SRGAP1: variants seen among roughly 807,000 people sequenced by gnomAD.
The protein encoded by SRGAP1 is SLIT-ROBO Rho GTPase-activating protein 1.
Under a neutral mutation model 121.9 loss-of-function variants are expected in SRGAP1, and 43 were observed. The ratio of observed to expected loss-of-function variants is 0.35; its 90% CI spans 0.28 to 0.46. SRGAP1 has a LOEUF of 0.46. Among genes scored for constraint, SRGAP1 ranks in the 20% least tolerant of loss-of-function variants. The pLI, the probability that SRGAP1 is intolerant of heterozygous loss-of-function variation, is 1.00. For missense variants in SRGAP1, 1,102 were observed against 1,350.9 expected, an observed-to-expected ratio of 0.82 and a Z score of 2.89; for synonymous variants, 447 against 485.4, an observed-to-expected ratio of 0.92 and a Z score of 1.04.
chr12:64,008,264 A>C (rs2034147256), intron 3 of SRGAP1, among the ~76,000 whole-genome samples: 1 of 152,180 alleles, frequency 6.6e-6, no homozygotes, highest in South Asian at 2.1e-4. Flanking sequence ...CTGTCATCCC[A>C]TGTGCAATTG....
intron 1 of SRGAP1, among the ~76,000 whole-genome samples, chr12:63,932,711 T>C (rs1173970892): frequency 1.3e-5 from 2 of 152,144 alleles, no homozygotes; most frequent in African/African-American, 4.8e-5. Context: ...CCAAGGAAAT[T>C]GATTTTACCA....
Position 63,858,183 on chromosome 12 carries a change from G to GGTGT in SRGAP1, c.67+13319_67+13322dup, listed in dbSNP as rs34390447. On this transcript the variant is annotated intron_variant, in intron 1 of 21. Coordinates refer to ENST00000355086, the MANE Select transcript of SRGAP1 (RefSeq NM_020762.4). ...GCTATCTTCGTTGTATTTTGTGTGT[G>GGTGT]GTGTGTGTGTGTGTGTGTGTGTCTG... Among the ~76,000 whole-genome samples the GGTGT allele has an allele frequency of 6.4e-3, 950 of 149,416 alleles. 6 individuals carry two copies. Among genetic ancestry groups the GGTGT allele is most frequent in the East Asian group, 0.025 (126 of 5,126 alleles).
intron 1 of SRGAP1, among the ~76,000 whole-genome samples, chr12:63,875,458 A>G (rs1174575988): frequency 6.6e-6 from 1 of 152,238 alleles, no homozygotes; most frequent in Non-Finnish European, 1.5e-5. Flanking sequence ...TGTAAACAAA[A>G]TTGCACAGTG....
chr12:64,116,441 TTG>T (rs1431791223), intron 18 of SRGAP1, among the ~76,000 whole-genome samples: 1 of 152,028 alleles, frequency 6.6e-6, no homozygotes, highest in African/African-American at 2.4e-5. Flanking sequence ...ACCACTATGT[TTG>T]TGTTTTTAAA....
At chr12:64,013,292 G>A (rs949854958) in intron 3 of SRGAP1, among the ~76,000 whole-genome samples, 2 of 152,142 alleles carry the variant, frequency 1.3e-5, no homozygotes, top group African/African-American at 4.8e-5. Context: ...ATACCATGAG[G>A]ACAGGAACCA....
intron 1 of SRGAP1, among the ~76,000 whole-genome samples, chr12:63,850,534 G>A (rs917641843): frequency 1.3e-5 from 2 of 151,244 alleles, no homozygotes; most frequent in Non-Finnish European, 2.9e-5. Context: ...GGGCTCAAGC[G>A]ATTCTTCTGC....
intron 18 of SRGAP1, 23 bp from the exon 19 acceptor site, chr12:64,125,954 G>A: frequency 6.2e-7 from 1 of 1,608,210 alleles, no homozygotes; most frequent in Non-Finnish European, 8.5e-7. Context: ...GTTTCTCGCT[G>A]TTTTCTGGTG....
rs1432876513 is a variant in SRGAP1 at position 64,157,023 on chromosome 12, A to G, written c.*14351A>G. ...ATATGGTAGCTGCACTTCTAAAAAAAAAAGGGGGCATTCTTGGCAGGAGAA... is the reference window on the plus strand; with the variant it reads ...ATATGGTAGCTGCACTTCTAAAAAAGAAAGGGGGCATTCTTGGCAGGAGAA... On this transcript the variant is annotated 3_prime_UTR_variant, in exon 22 of 22. Transcript: ENST00000355086. 1 of 152,266 alleles carries G rather than the reference A, an allele frequency of 6.6e-6. No homozygotes were observed. The highest frequency in any genetic ancestry group is 1.9e-4 in the East Asian group (1 of 5,206). The allele number at this position is 152,266 out of a possible 1,614,324, so 9.4% of individuals were successfully genotyped here. A position where few individuals can be genotyped will look rare whatever the true frequency, so the allele number is the denominator to read the frequency against.
intron 1 of SRGAP1, among the ~76,000 whole-genome samples, chr12:63,966,597 T>C (rs1475638135): frequency 6.6e-6 from 1 of 152,138 alleles, no homozygotes; most frequent in Non-Finnish European, 1.5e-5. Context: ...TTTTTTTTTC[T>C]AGAATTTCTT....
Position 64,147,180 on chromosome 12 carries a change from A to G in SRGAP1, c.*4508A>G, listed in dbSNP as rs7131691. On this transcript the variant is annotated 3_prime_UTR_variant, in exon 22 of 22. Transcript: ENST00000355086. ...CTGAAGGGTAACTGCTGCCCGCGTAATTAAATCAGTATTGTCCTTTCCTGT... is the reference window on the plus strand; with the variant it reads ...CTGAAGGGTAACTGCTGCCCGCGTAGTTAAATCAGTATTGTCCTTTCCTGT... The G allele has an allele frequency of 0.47, 124,377 of 263,432 alleles. 32,589 individuals are homozygous for G. Among genetic ancestry groups the G allele is most frequent in the East Asian group, 0.73 (10,841 of 14,774 alleles). 16.3% of individuals were successfully genotyped at this position (263,432 alleles called of 1,614,324 possible). A position where few individuals can be genotyped will look rare whatever the true frequency, so the allele number is the denominator to read the frequency against.
At chr12:63,988,488 C>T (rs184609081) in intron 2 of SRGAP1, among the ~76,000 whole-genome samples, 8 of 152,282 alleles carry the variant, frequency 5.3e-5, no homozygotes, top group Admixed American at 3.3e-4. Context: ...AGGCTGCCCT[C>T]ATGGGTGCCA....
At chr12:64,106,079 G>A (rs1025870504) in intron 15 of SRGAP1, among the ~76,000 whole-genome samples, 6 of 152,088 alleles carry the variant, frequency 3.9e-5, no homozygotes, top group Admixed American at 2.0e-4. Context: ...GAATGTGGTG[G>A]TGTGATCATA....
At chr12:64,055,325 T>G (rs2035319970) in intron 6 of SRGAP1, among the ~76,000 whole-genome samples, 1 of 144,946 alleles carries the variant, frequency 6.9e-6, no homozygotes, top group African/African-American at 2.6e-5. Flanking sequence ...CAAGGAGAAC[T>G]ACAAACCACT....
chr12:63,913,357 C>T (rs1312896719), intron 1 of SRGAP1, among the ~76,000 whole-genome samples: 2 of 147,640 alleles, frequency 1.4e-5, no homozygotes, highest in African/African-American at 2.5e-5. Context: ...CAGGGTTTCA[C>T]ATATTGCCCA....
At chr12:63,955,986 A>T (rs1024119416) in intron 1 of SRGAP1, among the ~76,000 whole-genome samples, 1 of 152,170 alleles carries the variant, frequency 6.6e-6, no homozygotes, top group Non-Finnish European at 1.5e-5. Flanking sequence ...TCAGTTTGTT[A>T]TGACTGAGCT....
intron 4 of SRGAP1, 78 bp from the exon 5 acceptor site, chr12:64,042,712 A>G: frequency 8.7e-7 from 1 of 1,148,090 alleles, no homozygotes; most frequent in East Asian, 2.4e-5. Flanking sequence ...TGTATCATAT[A>G]CGTCGTATAA....
At chr12:63,879,205 AG>A (rs1167030161) in intron 1 of SRGAP1, 4 of 153,888 alleles carry the variant, frequency 2.6e-5, no homozygotes, top group African/African-American at 9.6e-5. Flanking sequence ...AATAGAGATG[AG>A]GTCTTGCTAT....
chr12:64,027,186 T>G (rs996941742), intron 4 of SRGAP1, among the ~76,000 whole-genome samples: 10 of 152,056 alleles, frequency 6.6e-5, no homozygotes, highest in Non-Finnish European at 1.5e-4. Flanking sequence ...CTTTATATTT[T>G]CCCAACAACC....
intron 7 of SRGAP1, among the ~76,000 whole-genome samples, chr12:64,064,513 A>G (rs568061469): frequency 1.1e-4 from 16 of 152,304 alleles, no homozygotes; most frequent in African/African-American, 3.8e-4. Context: ...GTAGTCATTC[A>G]CATTTTCTGA....
Sources: allele counts gnomAD v4.1 joint callset (sites outside exome capture counted in the v4.1 genomes callset), GRCh38; gene constraint gnomAD v4.1.1; transcripts MANE v1.5; gene names NCBI Gene and HGNC (gene_info 2026-07-23, HGNC 2026-07-21).